Variants in TUB observed in about 807,000 individuals in gnomAD.
TUB encodes TUB bipartite transcription factor.
Under a neutral mutation model 59.7 loss-of-function variants are expected in TUB, and 33 were observed. The ratio of observed to expected loss-of-function variants is 0.55; its 90% CI spans 0.42 to 0.74. The LOEUF (loss-of-function observed/expected upper bound fraction) is 0.74, where lower values mean the gene tolerates loss of function less well. Among genes scored for constraint, TUB ranks in the 30% least tolerant of loss-of-function variants. The probability of loss-of-function intolerance (pLI) is 0.00; values close to 1 mark genes in which losing one functional copy is unlikely to be tolerated. For synonymous variants in TUB, 293 were observed against 256.4 expected (o/e 1.14, Z -1.36); for missense variants, 659 against 672.0 (o/e 0.98, Z 0.21).
chr11:8,039,920 T>C (rs1942719104), intron 2 of TUB, among the ~76,000 whole-genome samples: 1 of 152,242 alleles, frequency 6.6e-6, no homozygotes, highest in South Asian at 2.1e-4. Flanking sequence ...TGGATCCTCC[T>C]GTGGTCTTTT....
chr11:8,028,533 T>C (rs1192925193), intron 1 of TUB, among the ~76,000 whole-genome samples: 1 of 152,260 alleles, frequency 6.6e-6, no homozygotes. Flanking sequence ...TTACCTGTTT[T>C]CTTCAGTGTT....
intron 2 of TUB, among the ~76,000 whole-genome samples, chr11:8,052,889 T>G (rs1942955466): frequency 6.6e-6 from 1 of 152,364 alleles, no homozygotes; most frequent in South Asian, 2.1e-4. Flanking sequence ...TTAATTCTAA[T>G]AGTTTTTCAG....
intron 2 of TUB, among the ~76,000 whole-genome samples, chr11:8,059,243 G>T (rs1943076651): frequency 6.6e-6 from 1 of 152,170 alleles, no homozygotes; most frequent in East Asian, 1.9e-4. Flanking sequence ...CAGGCTCAGG[G>T]ATTTACAGGT....
chr11:8,054,458 G>A (rs1942984699), intron 2 of TUB, among the ~76,000 whole-genome samples: 1 of 152,120 alleles, frequency 6.6e-6, no homozygotes, highest in Non-Finnish European at 1.5e-5. Flanking sequence ...GAGAGAGAGA[G>A]AGAGAGAGAC....
rs1261346722 is a variant in TUB at position 8,098,887 on chromosome 11, G to GTT, written c.1116+13_1116+14dup. The GTT allele has an allele frequency of 6.3e-7, 1 of 1,584,516 alleles. No homozygotes were observed. The highest frequency in any genetic ancestry group is 8.7e-7 in the Non-Finnish European group (1 of 1,153,482). ...CAGCTGTGTGCTACGTGAGTCCTAG[G>GTT]TTCGGGGGTCTCTGATTTCCAAGGT... On this transcript the variant is annotated intron_variant, in intron 9 of 11. Transcript: ENST00000299506.
At chr11:8,019,649 C>T (rs1031308072) in intron 1 of TUB, among the ~76,000 whole-genome samples, 46 of 152,086 alleles carry the variant, frequency 3.0e-4, no homozygotes, top group African/African-American at 1.1e-3. Context: ...CCGCCAGGGT[C>T]GCTCCGCCGG....
chr11:8,074,840 G>A (rs1038664806), intron 2 of TUB, among the ~76,000 whole-genome samples: 4 of 143,474 alleles, frequency 2.8e-5, no homozygotes, highest in East Asian at 2.1e-4. Context: ...TCCGCCTCCC[G>A]GGTTCAAGTG....
rs1944044309 is a variant in TUB, at chr11:8,097,367, T to A, written c.827T>A (p.Met276Lys). 1.2e-6 allele frequency: 2 copies of A among 1,614,056 alleles called. No homozygotes were observed. The highest frequency in any genetic ancestry group is 1.7e-6 in the Non-Finnish European group (2 of 1,180,038). The change falls in exon 7 of 12, where the codon ATG becomes AAG. Residue 276 changes from methionine to lysine, a missense_variant. By Grantham distance (95) the Met-to-Lys change is moderately conservative. Transcript: ENST00000299506. ...KCRITRDKKG[M>K]DRGMYPTYFL... ...CGCATCACTCGGGACAAGAAAGGGA[T>A]GGACCGGGGCATGTACCCCACCTAC...
In TUB at chr11:8,106,088, ATAAACTTTGG is replaced by A. The variant is rs1944601042; in HGVS notation, c.*4472_*4481del. ...AACTGTGCTTTTATTGACTTTTTGA[ATAAACTTTGG>A]TATTCTGGAGCAAATGTATTTATTT... On this transcript the variant is annotated 3_prime_UTR_variant, in exon 12 of 12. Coordinates refer to ENST00000299506, the MANE Select transcript of TUB (RefSeq NM_177972.3). 6.6e-6 allele frequency: 1 copy of A among 152,176 alleles called. No individual in the cohort carries two copies. Among genetic ancestry groups the A allele is most frequent in the African/African-American group, 2.4e-5 (1 of 41,434 alleles). The allele number at this position is 152,176 out of a possible 1,614,324, so 9.4% of individuals were successfully genotyped here. A position where few individuals can be genotyped will look rare whatever the true frequency, so the allele number is the denominator to read the frequency against.
At chr11:8,075,439 G>A (rs770093514) in intron 2 of TUB, 15 of 152,268 alleles carry the variant, frequency 9.9e-5, no homozygotes, top group Non-Finnish European at 2.1e-4. Context: ...TTGTAAAATG[G>A]GGATTATAAT....
In TUB at chr11:8,101,829, TGAAGGGATGAGAATAA is replaced by T; in HGVS notation, c.*211_*226del. The T allele has an allele frequency of 1.4e-6, 1 of 720,866 alleles. No homozygotes were observed. Among genetic ancestry groups the T allele is most frequent in the Non-Finnish European group, 2.2e-6 (1 of 457,252 alleles). 44.7% of individuals were successfully genotyped at this position (720,866 alleles called of 1,614,324 possible). ...GTAGTGGAGAGCGGGTGGGTGGGTG[TGAAGGGATGAGAATAA>T]TTCTTTCCATGCCACGAGATCAACA... On this transcript the variant is annotated 3_prime_UTR_variant, in exon 12 of 12. Coordinates refer to ENST00000299506, the MANE Select transcript of TUB (RefSeq NM_177972.3).
chr11:8,038,456 G>A (rs761530592), upstream of TUB: 5 of 257,362 alleles, frequency 1.9e-5, no homozygotes, highest in South Asian at 1.3e-4. Context: ...AGAGCTGGCC[G>A]CAGAGAGGGC....
At chr11:8,073,171 C>T (rs1943389342) in intron 2 of TUB, among the ~76,000 whole-genome samples, 1 of 152,224 alleles carries the variant, frequency 6.6e-6, no homozygotes, top group Non-Finnish European at 1.5e-5. Context: ...ACTCAGCTCA[C>T]AGCTTGACTC....
At chr11:8,043,126 G>T (rs745684200) in intron 2 of TUB, among the ~76,000 whole-genome samples, 28 of 152,064 alleles carry the variant, frequency 1.8e-4, no homozygotes, top group Non-Finnish European at 3.5e-4. Context: ...TGAGGTAGGG[G>T]TCCCAACTCA....
chr11:8,030,727 G>A (rs925392175), intron 1 of TUB, among the ~76,000 whole-genome samples: 6 of 152,160 alleles, frequency 3.9e-5, no homozygotes, highest in South Asian at 2.1e-4. Context: ...CAGAGCTGAG[G>A]TCCGGGGGAA....
In TUB at chr11:8,084,667, A is replaced by G. The variant is rs545563734; in HGVS notation, c.38+3119A>G. 1.2e-4 allele frequency among the ~76,000 whole-genome samples: 18 copies of G among 152,310 alleles called. 1 individual carries two copies. The East Asian group carries it at 3.5e-3, about 29-fold the overall frequency. ...CAGGGAACTTATCTGGTTCCTGGTC[A>G]TGTCCCCAGCACAGACAAGACGTCC... On this transcript the variant is annotated intron_variant, in intron 1 of 11. Coordinates refer to ENST00000299506, the MANE Select transcript of TUB (RefSeq NM_177972.3).
At chr11:8,020,253 G>A (rs1277035601) in intron 1 of TUB, among the ~76,000 whole-genome samples, 1 of 152,156 alleles carries the variant, frequency 6.6e-6, no homozygotes, top group Non-Finnish European at 1.5e-5. Context: ...TAAATTTCCT[G>A]ACCCATGACC....
At chr11:8,065,219 G>A (rs533642681) in intron 2 of TUB, among the ~76,000 whole-genome samples, 2 of 152,302 alleles carry the variant, frequency 1.3e-5, no homozygotes, top group African/African-American at 4.8e-5. Flanking sequence ...GGTAGCAGGT[G>A]TCTTGGGCCC....
chr11:8,064,467 C>G (rs1028000595), intron 2 of TUB, among the ~76,000 whole-genome samples: 5 of 152,194 alleles, frequency 3.3e-5, no homozygotes, highest in African/African-American at 1.2e-4. Flanking sequence ...TACCCAGTAC[C>G]TGTAAAACCA....
Sources: gnomAD v4.1 joint callset for allele counts (sites outside exome capture counted in the v4.1 genomes callset) on GRCh38, gnomAD v4.1.1 for gene constraint, MANE v1.5 for transcripts, NCBI Gene and HGNC (gene_info 2026-07-23, HGNC 2026-07-21) for gene names.